Variants in LIN7A observed in about 807,000 individuals in gnomAD.
LIN7A encodes protein lin-7 homolog A.
In LIN7A, 25 loss-of-function variants were observed where a neutral mutation model predicts 29.8. The ratio of observed to expected loss-of-function variants is 0.84; its 90% CI spans 0.61 to 1.17. LIN7A has a LOEUF of 1.17. Ranked by LOEUF, LIN7A falls within the 50% of genes most tolerant of loss-of-function variation. The pLI is 0.00. For missense variants in LIN7A, 239 were observed against 287.0 expected, an observed-to-expected ratio of 0.83 and a Z score of 1.21; for synonymous variants, 118 against 107.5, an observed-to-expected ratio of 1.10 and a Z score of -0.60.
At chr12:80,895,753 C>G (rs1875855193) in intron 1 of LIN7A, among the ~76,000 whole-genome samples, 1 of 152,282 alleles carries the variant, frequency 6.6e-6, no homozygotes, top group South Asian at 2.1e-4. Flanking sequence ...TCCTCTTTCC[C>G]CTTTCTTTTG....
Position 80,869,149 on chromosome 12 carries a change from AAT to A in LIN7A, c.201+20100_201+20101del, listed in dbSNP as rs1555225727. Among the ~76,000 whole-genome samples the A allele has an allele frequency of 2.7e-3, 391 of 145,420 alleles. 2 individuals carry two copies. The highest frequency in any genetic ancestry group is 7.5e-3 in the East Asian group (38 of 5,038). Reference sequence around the variant, plus strand: ...AAAGTATCTAATAAATAAATAAATAAATATATATATATATATATTTATGTGTG... The same window carrying A: ...AAAGTATCTAATAAATAAATAAATAAATATATATATATATATTTATGTGTG... On this transcript the variant is annotated intron_variant, in intron 2 of 5. Coordinates refer to ENST00000552864, the MANE Select transcript of LIN7A (RefSeq NM_004664.4).
intron 1 of LIN7A, among the ~76,000 whole-genome samples, chr12:80,896,839 A>C (rs2120700525): frequency 6.6e-6 from 1 of 152,368 alleles, no homozygotes; most frequent in African/African-American, 2.4e-5. Flanking sequence ...AGTGTTTGTC[A>C]GACCTACTGC....
chr12:80,905,031 C>A (rs1294926022), intron 1 of LIN7A, among the ~76,000 whole-genome samples: 1 of 151,906 alleles, frequency 6.6e-6, no homozygotes, highest in Non-Finnish European at 1.5e-5. Flanking sequence ...TATCGTTTGA[C>A]TAGCTGAGTG....
At chr12:80,918,715 G>T (rs961352461) in intron 1 of LIN7A, among the ~76,000 whole-genome samples, 3 of 152,150 alleles carry the variant, frequency 2.0e-5, no homozygotes, top group Non-Finnish European at 2.9e-5. Context: ...TGTTGGCTCA[G>T]TCTACCATAT....
At chr12:80,807,928 A>G (rs1392686690) in intron 5 of LIN7A, among the ~76,000 whole-genome samples, 1 of 152,188 alleles carries the variant, frequency 6.6e-6, no homozygotes, top group Non-Finnish European at 1.5e-5. Flanking sequence ...CAGCAGCCAG[A>G]GCAATCTTTT....
At chr12:80,874,962 C>T (rs962642464) in intron 2 of LIN7A, among the ~76,000 whole-genome samples, 1 of 152,184 alleles carries the variant, frequency 6.6e-6, no homozygotes, top group Non-Finnish European at 1.5e-5. Flanking sequence ...GATGGCGCCA[C>T]TGCACTCCAT....
intron 4 of LIN7A, among the ~76,000 whole-genome samples, chr12:80,827,527 A>G (rs1368714699): frequency 1.3e-5 from 2 of 152,116 alleles, no homozygotes; most frequent in African/African-American, 2.4e-5. Context: ...ATATTTTTCA[A>G]TTTTCTAGAA....
chr12:80,801,482 A>T (rs1467852170), intron 5 of LIN7A, among the ~76,000 whole-genome samples: 2 of 152,226 alleles, frequency 1.3e-5, no homozygotes, highest in African/African-American at 2.4e-5. Context: ...ATCCTACAGA[A>T]TTACAAGATA....
In LIN7A at chr12:80,807,989, C is replaced by T. The variant is rs151323954; in HGVS notation, c.*3476G>A. On this transcript the variant is annotated intron_variant, in intron 5 of 5. Coordinates refer to ENST00000552864, the MANE Select transcript of LIN7A (RefSeq NM_004664.4). ...GTGCTTAAAAACCTTTAGTGGCTTCCGGTGCAATAAAATCTAACTTCCCTC... is the reference window on the plus strand; with the variant it reads ...GTGCTTAAAAACCTTTAGTGGCTTCTGGTGCAATAAAATCTAACTTCCCTC... 4.9e-3 allele frequency among the ~76,000 whole-genome samples: 752 copies of T among 152,260 alleles called. 7 individuals carry two copies. Among genetic ancestry groups the T allele is most frequent in the African/African-American group, 0.017 (715 of 41,538 alleles).
rs553121530 is a variant in LIN7A at position 80,842,884 on chromosome 12, T to C, written c.483+2846A>G. On this transcript the variant is annotated intron_variant, in intron 4 of 5. Transcript: ENST00000552864. ...AGTTTAAAATAGGTAGTTTATAATA[T>C]ATAGTTTGACTATATGAATGTGTAA... is the stretch of plus-strand genomic sequence containing the variant. Among the ~76,000 whole-genome samples the C allele has an allele frequency of 2.6e-5, 4 of 152,300 alleles. No individual in the cohort carries two copies. The South Asian group carries it at 6.2e-4, about 24-fold the overall frequency.
chr12:80,804,641 T>C (rs1399668053), intron 5 of LIN7A, among the ~76,000 whole-genome samples: 3 of 151,992 alleles, frequency 2.0e-5, no homozygotes, highest in African/African-American at 7.3e-5. Context: ...TGTGTTCAAA[T>C]GATTCTTGTG....
chr12:80,927,931 C>T (rs1270995284), intron 1 of LIN7A, among the ~76,000 whole-genome samples: 2 of 151,990 alleles, frequency 1.3e-5, no homozygotes, highest in African/African-American at 4.8e-5. Flanking sequence ...TTGTTCAATT[C>T]CCATCTATGA....
At chr12:80,912,174 ATC>A (rs1592944738) in intron 1 of LIN7A, among the ~76,000 whole-genome samples, 1 of 152,230 alleles carries the variant, frequency 6.6e-6, no homozygotes. Context: ...TACTATCTTT[ATC>A]TGACATTTCC....
At chr12:80,866,499 T>G (rs1045327881) in intron 2 of LIN7A, among the ~76,000 whole-genome samples, 1 of 152,122 alleles carries the variant, frequency 6.6e-6, no homozygotes, top group Non-Finnish European at 1.5e-5. Flanking sequence ...AAAACTCAGA[T>G]AGAAATGAAA....
chr12:80,845,670 A>AG, intron 4 of LIN7A, 60 bp downstream of exon 4: 3 of 1,378,590 alleles, frequency 2.2e-6, no homozygotes, highest in Non-Finnish European at 2.0e-6. Context: ...CAGTAATAGC[A>AG]GGGGGCAAAA....
chr12:80,921,481 T>C (rs1877301030), intron 1 of LIN7A, among the ~76,000 whole-genome samples: 1 of 104,432 alleles, frequency 9.6e-6, no homozygotes, highest in South Asian at 3.4e-4. Flanking sequence ...TTCTTCTGGT[T>C]CTGAACAGCA....
chr12:80,907,954 A>G (rs772067060), intron 1 of LIN7A, among the ~76,000 whole-genome samples: 2 of 152,140 alleles, frequency 1.3e-5, no homozygotes, highest in African/African-American at 2.4e-5. Context: ...AGCTACCCCA[A>G]TGATAATCAA....
At chr12:80,914,994 G>T (rs1876954955) in intron 1 of LIN7A, among the ~76,000 whole-genome samples, 1 of 151,964 alleles carries the variant, frequency 6.6e-6, no homozygotes, top group Admixed American at 6.6e-5. Context: ...AACAAAAATT[G>T]ACAAGTGGAA....
intron 2 of LIN7A, among the ~76,000 whole-genome samples, chr12:80,881,253 A>T (rs1469924202): frequency 1.3e-5 from 2 of 152,224 alleles, no homozygotes; most frequent in Non-Finnish European, 2.9e-5. Flanking sequence ...TTATCACACA[A>T]GAAACAGTCT....
Sources: allele counts gnomAD v4.1 joint callset (sites outside exome capture counted in the v4.1 genomes callset), GRCh38; gene constraint gnomAD v4.1.1; transcripts MANE v1.5; gene names NCBI Gene and HGNC (gene_info 2026-07-23, HGNC 2026-07-21).